The following HMGA2 variants were observed in gnomAD, a reference collection of about 807,000 sequenced individuals.
HMGA2 encodes high mobility group protein HMGI-C.
HMGA2 carries 8 observed loss-of-function variants against 19.1 expected under a neutral mutation model. The ratio of observed to expected loss-of-function variants is 0.42; its 90% confidence interval spans 0.25 to 0.76. The LOEUF (loss-of-function observed/expected upper bound fraction) is 0.76. Among genes scored for constraint, HMGA2 ranks in the 30% least tolerant of loss-of-function variants. The pLI, the probability that HMGA2 is intolerant of heterozygous loss-of-function variation, is 0.28. For synonymous variants in HMGA2, 60 were observed against 48.8 expected, an observed-to-expected ratio of 1.23 and a Z score of -0.96; for missense variants, 109 against 136.3, an observed-to-expected ratio of 0.80 and a Z score of 1.00.
chr12:65,837,051 C>G (rs1198371782), intron 2 of HMGA2, among the ~76,000 whole-genome samples: 1 of 152,136 alleles, frequency 6.6e-6, no homozygotes, highest in Admixed American at 6.5e-5. Context: ...TATACCTAAC[C>G]TATCTAAGAC....
intron 3 of HMGA2, among the ~76,000 whole-genome samples, chr12:65,938,886 A>C (rs375472703): frequency 8.6e-5 from 13 of 151,790 alleles, no homozygotes; most frequent in African/African-American, 3.1e-4. Flanking sequence ...CCGGCCTCGA[A>C]CTCCTAGGTT....
intron 3 of HMGA2, among the ~76,000 whole-genome samples, chr12:65,904,796 C>T (rs1269463219): frequency 8.6e-5 from 13 of 151,924 alleles, no homozygotes; most frequent in Admixed American, 8.5e-4. Flanking sequence ...ATTTTTTTCA[C>T]TTTGGGAGGC....
intron 2 of HMGA2, among the ~76,000 whole-genome samples, chr12:65,829,479 G>C (rs1396099128): frequency 1.3e-5 from 2 of 151,878 alleles, no homozygotes; most frequent in African/African-American, 4.8e-5. Context: ...TTACCAAGGA[G>C]TTTTTCTATG....
chr12:65,839,395 A>G (rs1870896509), intron 3 of HMGA2, among the ~76,000 whole-genome samples: 1 of 152,042 alleles, frequency 6.6e-6, no homozygotes, highest in Non-Finnish European at 1.5e-5. Context: ...CTTTATACCC[A>G]GTGTTGCATA....
rs1489808252 is a variant in HMGA2, at chr12:65,825,924, C to G, written c.111+543C>G. ...CCCTTGGCGCCCTCCTCCAAGCTCTCGGTGGCCCAAGACTCGCGCCCTCCC... is the reference window on the plus strand; with the variant it reads ...CCCTTGGCGCCCTCCTCCAAGCTCTGGGTGGCCCAAGACTCGCGCCCTCCC... On this transcript the variant is annotated intron_variant, in intron 1 of 4. Transcript: ENST00000403681. The surrounding 1 kb of genome is among the most constrained non-coding windows in gnomAD (Gnocchi z 4.4). The G allele has an allele frequency of 1.3e-5, 2 of 152,060 alleles. No homozygotes were observed. Among genetic ancestry groups the G allele is most frequent in the African/African-American group, 4.8e-5 (2 of 41,406 alleles). The allele number at this position is 152,060 out of a possible 1,614,324, so 9.4% of individuals were successfully genotyped here. A position where few individuals can be genotyped will look rare whatever the true frequency, so the allele number is the denominator to read the frequency against.
intron 3 of HMGA2, among the ~76,000 whole-genome samples, chr12:65,911,387 C>T (rs1874838996): frequency 6.6e-6 from 1 of 152,136 alleles, no homozygotes; most frequent in African/African-American, 2.4e-5. Flanking sequence ...TTGAGAGGAT[C>T]AGCCTTCTAA....
chr12:65,942,650 G>A (rs1876129760), intron 3 of HMGA2: 1 of 152,042 alleles, frequency 6.6e-6, no homozygotes, highest in African/African-American at 2.4e-5. Flanking sequence ...GTGTGCGACT[G>A]TTTACTTCAG....
intron 3 of HMGA2, among the ~76,000 whole-genome samples, chr12:65,886,946 G>A (rs1455522556): frequency 6.6e-6 from 1 of 152,106 alleles, no homozygotes; most frequent in Admixed American, 6.5e-5. Context: ...CCCTTAATAA[G>A]TAAGCAAGAC....
At chr12:65,963,109 G>T (rs1876799342) in intron 4 of HMGA2, 136 bp from the exon 5 acceptor site, 11 of 766,198 alleles carry the variant, frequency 1.4e-5, no homozygotes, top group Non-Finnish European at 2.2e-5. Flanking sequence ...GGGAATGAGG[G>T]CTCGCCAGTC....
intron 3 of HMGA2, among the ~76,000 whole-genome samples, chr12:65,945,109 G>A (rs1876218242): frequency 6.6e-6 from 1 of 151,926 alleles, no homozygotes; most frequent in Admixed American, 6.6e-5. Context: ...GGCATCCTGG[G>A]AGGGCAGAGA....
chr12:65,855,941 C>T (rs556214622), intron 3 of HMGA2: 4 of 150,520 alleles, frequency 2.7e-5, no homozygotes, highest in Non-Finnish European at 4.4e-5. Flanking sequence ...CAAATATCTA[C>T]GAATTACAAG....
chr12:65,847,953 T>C (rs892464414), intron 3 of HMGA2, among the ~76,000 whole-genome samples: 1 of 152,244 alleles, frequency 6.6e-6, no homozygotes, highest in South Asian at 2.1e-4. Flanking sequence ...ATGATTTGTA[T>C]TTCCAAAGAG....
chr12:65,963,213 A>C (rs1282281920), intron 4 of HMGA2, 32 bp from the exon 5 acceptor site: 1 of 1,609,530 alleles, frequency 6.2e-7, no homozygotes, highest in South Asian at 1.1e-5. Context: ...ATAACGATTG[A>C]GCGTCATGGC....
intron 3 of HMGA2, among the ~76,000 whole-genome samples, chr12:65,886,604 G>C (rs893649587): frequency 1.3e-5 from 2 of 151,778 alleles, no homozygotes; most frequent in South Asian, 2.1e-4. Flanking sequence ...TGATCTGCCC[G>C]TCTCGGCCTC....
At chr12:65,959,983 G>A (rs1475340182) in intron 4 of HMGA2, among the ~76,000 whole-genome samples, 1 of 152,084 alleles carries the variant, frequency 6.6e-6, no homozygotes, top group Non-Finnish European at 1.5e-5. Context: ...TCTGCTTCCT[G>A]GGTTCACAGC....
intron 3 of HMGA2, among the ~76,000 whole-genome samples, chr12:65,922,807 A>G (rs551976695): frequency 6.6e-6 from 1 of 152,292 alleles, no homozygotes; most frequent in South Asian, 2.1e-4. Context: ...GAGATAATTG[A>G]ATCATGGGGG....
chr12:65,921,357 TC>T (rs1191977699), intron 3 of HMGA2, among the ~76,000 whole-genome samples: 2 of 152,178 alleles, frequency 1.3e-5, no homozygotes, highest in African/African-American at 4.8e-5. Flanking sequence ...CCTCCCGGGT[TC>T]ACGCCATTCT....
intron 3 of HMGA2, chr12:65,842,279 G>A (rs1309772172): frequency 3.5e-6 from 2 of 571,078 alleles, no homozygotes; most frequent in Non-Finnish European, 6.4e-6. Flanking sequence ...GAGTTGTAAG[G>A]ATTAAATGAG....
At chr12:65,943,754 A>T (rs1876168649) in intron 3 of HMGA2, among the ~76,000 whole-genome samples, 1 of 152,194 alleles carries the variant, frequency 6.6e-6, no homozygotes, top group South Asian at 2.1e-4. Flanking sequence ...TAAGGGCCAG[A>T]TGTTACTGTT....
Sources: gnomAD v4.1 joint callset for allele counts (sites outside exome capture counted in the v4.1 genomes callset) on GRCh38, gnomAD v4.1.1 for gene constraint, Gnocchi (gnomAD v3.1) non-coding constraint, MANE v1.5 for transcripts, NCBI Gene and HGNC (gene_info 2026-07-23, HGNC 2026-07-21) for gene names.